The following DMRT1 variants were observed in gnomAD, a reference collection of about 807,000 sequenced individuals.
The protein encoded by DMRT1 is doublesex- and mab-3-related transcription factor 1.
DMRT1 carries 7 observed loss-of-function variants against 32.3 expected under a neutral mutation model. The observed-to-expected ratio is 0.22, with a 90% CI of 0.12 to 0.41. The LOEUF is 0.41. Ranked by LOEUF, DMRT1 falls within the 10% of genes least tolerant of loss-of-function variation. The probability of loss-of-function intolerance (pLI) is 1.00; values close to 1 mark genes in which losing one functional copy is unlikely to be tolerated. For synonymous variants in DMRT1, 278 were observed against 206.1 expected (o/e 1.35, Z -2.99); for missense variants, 625 against 500.5 (o/e 1.25, Z -2.37).
chr9:946,538 G>A (rs980711395), intron 4 of DMRT1, among the ~76,000 whole-genome samples: 4 of 152,184 alleles, frequency 2.6e-5, no homozygotes, highest in Admixed American at 2.0e-4. Flanking sequence ...GACAAGCCCC[G>A]GCATAGTCCA....
At chr9:845,263 G>A (rs2132538898) in intron 1 of DMRT1, among the ~76,000 whole-genome samples, 1 of 152,130 alleles carries the variant, frequency 6.6e-6, no homozygotes, top group East Asian at 1.9e-4. Context: ...AGGCTGGAGT[G>A]CAGTGGCTCG....
intron 3 of DMRT1, 131 bp downstream of exon 3, chr9:894,326 G>A (rs1817269927): frequency 3.1e-6 from 3 of 962,326 alleles, no homozygotes; most frequent in Non-Finnish European, 5.0e-6. Context: ...ACACACACAG[G>A]TACACACACA....
At chr9:947,513 G>A (rs1819284911) in intron 4 of DMRT1, among the ~76,000 whole-genome samples, 1 of 152,138 alleles carries the variant, frequency 6.6e-6, no homozygotes, top group African/African-American at 2.4e-5. Flanking sequence ...ACTTTGAGCA[G>A]GCACCAAACC....
intron 4 of DMRT1, among the ~76,000 whole-genome samples, chr9:961,291 G>C (rs550056218): frequency 6.6e-6 from 1 of 152,286 alleles, no homozygotes; most frequent in South Asian, 2.1e-4. Flanking sequence ...AAGCCTCGTT[G>C]TGACAGGGCT....
At chr9:917,625 G>A (rs1818225903) in intron 4 of DMRT1, among the ~76,000 whole-genome samples, 2 of 152,272 alleles carry the variant, frequency 1.3e-5, no homozygotes, top group South Asian at 4.1e-4. Flanking sequence ...TGGAAATCAG[G>A]GCAGTAGAGG....
intron 3 of DMRT1, among the ~76,000 whole-genome samples, chr9:895,226 T>C (rs1817308551): frequency 6.6e-6 from 1 of 152,192 alleles, no homozygotes; most frequent in Non-Finnish European, 1.5e-5. Flanking sequence ...CTGTTCTGCT[T>C]CCTCAGTTGC....
At chr9:879,106 G>C (rs2132625748) in intron 2 of DMRT1, among the ~76,000 whole-genome samples, 1 of 152,226 alleles carries the variant, frequency 6.6e-6, no homozygotes, top group East Asian at 1.9e-4. Context: ...AGCCAGCTCA[G>C]AATAAGATGC....
intron 2 of DMRT1, among the ~76,000 whole-genome samples, chr9:853,252 T>TG: frequency 6.6e-6 from 1 of 152,074 alleles, no homozygotes; most frequent in Non-Finnish European, 1.5e-5. Context: ...GATGCATCAT[T>TG]GTCATCCAGA....
intron 2 of DMRT1, among the ~76,000 whole-genome samples, chr9:852,473 CTTTGT>C (rs769144460): frequency 1.3e-5 from 2 of 150,054 alleles, no homozygotes; most frequent in Non-Finnish European, 3.0e-5. Flanking sequence ...GTAGGCTCCT[CTTTGT>C]TTTGTTTTAT....
chr9:887,776 G>A (rs1816988321), intron 2 of DMRT1, among the ~76,000 whole-genome samples: 1 of 152,114 alleles, frequency 6.6e-6, no homozygotes, highest in African/African-American at 2.4e-5. Flanking sequence ...TATCTATACT[G>A]TCACTGCGGC....
intron 2 of DMRT1, among the ~76,000 whole-genome samples, chr9:872,327 C>T (rs113140749): frequency 0.011 from 1,705 of 152,326 alleles, 32 homozygotes; most frequent in African/African-American, 0.039. Context: ...TCCCAAAGTG[C>T]TGGGATTACA....
chr9:886,551 C>T (rs190367443), intron 2 of DMRT1, among the ~76,000 whole-genome samples: 17 of 152,056 alleles, frequency 1.1e-4, no homozygotes, highest in Admixed American at 7.9e-4. Context: ...CCACCGTGTA[C>T]GGCCAAACTG....
In DMRT1 at chr9:863,587, CTGAT is replaced by C. The variant is rs1815825237; in HGVS notation, c.538+16448_538+16451del. 3.3e-5 allele frequency among the ~76,000 whole-genome samples: 5 copies of C among 152,156 alleles called. No individual in the cohort carries two copies. The South Asian group carries it at 1.0e-3, about 32-fold the overall frequency. On this transcript the variant is annotated intron_variant, in intron 2 of 4. Transcript: ENST00000382276. ...CAGGGAGCTGAATTCTGCCATCTAA[CTGAT>C]TGAGCAAAGAAACAGTCCCTGCTAG...
rs200217569 is a variant in DMRT1, at chr9:894,058, C to T, written c.685C>T (p.Pro229Ser). 14 of 1,614,156 alleles carry T rather than the reference C, an allele frequency of 8.7e-6. No individual in the cohort carries two copies. The highest frequency in any genetic ancestry group is 1.3e-5 in the African/African-American group (1 of 74,954). The change falls in exon 3 of 5, where the codon CCG becomes TCG. Residue 229 changes from proline to serine, a missense_variant. Pro to Ser is a moderately conservative substitution (Grantham distance 74). Transcript: ENST00000382276. ...FPYYNNLYNC[P>S]QYSMALAADS... is the part of the protein sequence containing the mutation. ...TTATTACAACAATCTATACAACTGC[C>T]CGCAGTACTCCATGGCCTTGGCTGC... is the stretch of plus-strand genomic sequence containing the variant.
chr9:847,044 G>C lies in DMRT1; in HGVS notation c.439G>C (p.Val147Leu). Residue 147 changes from valine (V) to leucine (L), a missense_variant, in exon 2 of 5, where the codon GTC (valine) becomes CTC (leucine). This residue lies in a region of DMRT1 where 416 missense variants were observed against 321.6 expected (regional missense o/e 1.29). Coordinates refer to ENST00000382276, the MANE Select transcript of DMRT1 (RefSeq NM_021951.3). The part of the protein sequence containing the change: ...IPLPSAAELL[V>L]KRENNGSNPC... ...ACTGCCCAGTGCGGCCGAGCTGCTT[G>C]TCAAAAGAGAGAACAATGGCAGTAA... 1 of 1,614,150 alleles carries C rather than the reference G, an allele frequency of 6.2e-7. No homozygotes were observed. Among genetic ancestry groups the C allele is most frequent in the Non-Finnish European group, 8.5e-7 (1 of 1,180,038 alleles).
intron 4 of DMRT1, among the ~76,000 whole-genome samples, chr9:922,077 G>T (rs907565940): frequency 6.6e-6 from 1 of 151,454 alleles, no homozygotes; most frequent in Non-Finnish European, 1.5e-5. Flanking sequence ...ACAGAGTTTT[G>T]CCATATTGCT....
At chr9:872,818 G>C (rs1462823531) in intron 2 of DMRT1, among the ~76,000 whole-genome samples, 1 of 152,158 alleles carries the variant, frequency 6.6e-6, no homozygotes, top group Non-Finnish European at 1.5e-5. Context: ...CATGTGGTGG[G>C]TCTGTGTTTA....
At chr9:846,720 C>A (rs917125004) in intron 1 of DMRT1, among the ~76,000 whole-genome samples, 6 of 152,110 alleles carry the variant, frequency 3.9e-5, no homozygotes, top group Non-Finnish European at 8.8e-5. Flanking sequence ...AGCTGGGATT[C>A]CAGGTATCTG....
intron 2 of DMRT1, among the ~76,000 whole-genome samples, chr9:850,717 C>T (rs568632507): frequency 7.1e-6 from 1 of 140,500 alleles, no homozygotes; most frequent in African/African-American, 2.6e-5. Flanking sequence ...TTTTTAGTGA[C>T]CTAGAATTCC....
Sources: gnomAD v4.1 joint callset for allele counts (sites outside exome capture counted in the v4.1 genomes callset) on GRCh38, gnomAD v4.1.1 for gene constraint, gnomAD v4.1.1 regional missense constraint, MANE v1.5 for transcripts, NCBI Gene and HGNC (gene_info 2026-07-23, HGNC 2026-07-21) for gene names.